KDELR3: variants seen among roughly 807,000 people sequenced by gnomAD.
KDELR3 encodes KDEL endoplasmic reticulum protein retention receptor 3, also known as ER lumen protein-retaining receptor 3.
A neutral mutation model predicts 22.7 loss-of-function variants in KDELR3; 26 were observed. The ratio of observed to expected loss-of-function variants is 1.15; its 90% CI spans 0.84 to 1.59. The LOEUF (loss-of-function observed/expected upper bound fraction) is 1.59, where lower values mean the gene tolerates loss of function less well. Ranked by LOEUF, KDELR3 falls within the 40% of genes most tolerant of loss-of-function variation. KDELR3 has a pLI of 0.00. For missense variants in KDELR3, 289 were observed against 251.1 expected (o/e 1.15, Z -1.02); for synonymous variants, 120 against 98.2 (o/e 1.22, Z -1.31).
At chr22:38,481,496 T>G in intron 4 of KDELR3, 32 bp downstream of exon 4, 7 of 1,613,844 alleles carry the variant, frequency 4.3e-6, no homozygotes, top group Non-Finnish European at 5.9e-6. Flanking sequence ...ATGCTGACAC[T>G]GGCCTAAGGA....
intron 2 of KDELR3, among the ~76,000 whole-genome samples, chr22:38,475,967 T>C (rs2089554916): frequency 6.6e-6 from 1 of 152,144 alleles, no homozygotes; most frequent in Non-Finnish European, 1.5e-5. Context: ...CATTATCTAA[T>C]AGGAATCTTA....
At chr22:38,482,445 C>G in intron 4 of KDELR3, 51 bp from the exon 5 acceptor site, 1 of 1,399,510 alleles carries the variant, frequency 7.1e-7, no homozygotes, top group Non-Finnish European at 1.0e-6. Flanking sequence ...AGTTATAAAG[C>G]AGTCCTTTCA....
chr22:38,479,761 T>C lies in KDELR3; in HGVS notation c.351+10T>C, dbSNP rs755660288. 5 of 1,613,812 alleles carry C rather than the reference T, an allele frequency of 3.1e-6. No individual in the cohort carries two copies. In the East Asian group the frequency reaches 8.9e-5, roughly 29 times the overall value. On this transcript the variant is annotated intron_variant, in intron 3 of 4. Coordinates refer to ENST00000216014, the MANE Select transcript of KDELR3 (RefSeq NM_006855.4). ...TTTCACTCTGCTGGAGGTAAGGGAA[T>C]GGACTGAGTACCAGTTCTCAAAGGG...
chr22:38,471,185 GT>G (rs1265612561), intron 1 of KDELR3, among the ~76,000 whole-genome samples: 2 of 152,064 alleles, frequency 1.3e-5, no homozygotes, highest in African/African-American at 4.8e-5. Context: ...GATCACAAGG[GT>G]TCCCAAAGTG....
rs142169266 is a variant in KDELR3 at position 38,481,365 on chromosome 22, C to A, written c.505C>A (p.Arg169=). ...ACTCTACCTGGCTAACTGGATCAGGCGGTACCAGACTGAGAATTTCTATGA... is the reference window on the plus strand; with the variant it reads ...ACTCTACCTGGCTAACTGGATCAGGAGGTACCAGACTGAGAATTTCTATGA... ...RALYLANWIR[R]YQTENFYDQI... is the part of the protein sequence containing the mutation. Residue 169 remains arginine, a synonymous_variant, in exon 4 of 5, where the codon CGG becomes AGG. Coordinates refer to ENST00000216014, the MANE Select transcript of KDELR3 (RefSeq NM_006855.4). 1 of 1,614,158 alleles carries A rather than the reference C, an allele frequency of 6.2e-7. No individual in the cohort carries two copies. The highest frequency in any genetic ancestry group is 8.5e-7 in the Non-Finnish European group (1 of 1,180,028).
chr22:38,479,575 G>A lies in KDELR3; in HGVS notation c.193-18G>A, dbSNP rs369081501. Reference sequence around the variant, plus strand: ...ATGACTTCATAGATTCGATTCCCATGTCTCTCTCCCCTTTTAGGTGGTTTT... The same window carrying A: ...ATGACTTCATAGATTCGATTCCCATATCTCTCTCCCCTTTTAGGTGGTTTT... On this transcript the variant is annotated intron_variant, in intron 2 of 4. Coordinates refer to ENST00000216014, the MANE Select transcript of KDELR3 (RefSeq NM_006855.4). The A allele has an allele frequency of 6.2e-7, 1 of 1,607,062 alleles. No individual in the cohort carries two copies. The highest frequency in any genetic ancestry group is 1.3e-5 in the African/African-American group (1 of 74,876).
intron 1 of KDELR3, among the ~76,000 whole-genome samples, chr22:38,471,800 G>T (rs895598806): frequency 8.6e-5 from 13 of 151,886 alleles, no homozygotes; most frequent in African/African-American, 2.7e-4. Context: ...CTTGTCTCTA[G>T]AAAAAATATA....
At chr22:38,481,975 G>A (rs575125306) in intron 4 of KDELR3, among the ~76,000 whole-genome samples, 96 of 152,300 alleles carry the variant, frequency 6.3e-4, no homozygotes, top group African/African-American at 2.1e-3. Flanking sequence ...TTACAAATTC[G>A]TGTTGGGCCA....
At position 38,479,750 on chromosome 22, in the gene KDELR3, A is replaced by G. The variant is rs773461810; in HGVS notation, c.350A>G (p.Glu117Gly). Residue 117 changes from glutamate (E) to glycine (G), a missense_variant and splice_region_variant, in exon 3 of 5, where the codon GAG becomes GGG. Transcript: ENST00000216014. ...FLENYSFTLL[E>G]ILWTFSIYLE... is the part of the protein sequence containing the mutation. ...GAAAACTACAGTTTCACTCTGCTGGAGGTAAGGGAATGGACTGAGTACCAG... is the reference window on the plus strand; with the variant it reads ...GAAAACTACAGTTTCACTCTGCTGGGGGTAAGGGAATGGACTGAGTACCAG... The G allele has an allele frequency of 1.2e-6, 2 of 1,614,074 alleles. No individual in the cohort carries two copies. Among genetic ancestry groups the G allele is most frequent in the South Asian group, 2.2e-5 (2 of 91,072 alleles).
chr22:38,472,551 G>A (rs1236581814), intron 1 of KDELR3, among the ~76,000 whole-genome samples: 3 of 152,062 alleles, frequency 2.0e-5, no homozygotes, highest in East Asian at 1.9e-4. Context: ...CATGGATTCC[G>A]GGATGGAATC....
intron 1 of KDELR3, among the ~76,000 whole-genome samples, chr22:38,473,170 A>C (rs952311315): frequency 3.3e-5 from 5 of 152,162 alleles, no homozygotes; most frequent in African/African-American, 1.2e-4. Context: ...CACGCCTATA[A>C]TCCCAACACT....
chr22:38,471,896 T>C (rs2089527467), intron 1 of KDELR3, among the ~76,000 whole-genome samples: 1 of 151,914 alleles, frequency 6.6e-6, no homozygotes, highest in Non-Finnish European at 1.5e-5. Context: ...CCTGGGAGGT[T>C]GAGGCTGCAG....
intron 3 of KDELR3, among the ~76,000 whole-genome samples, chr22:38,480,324 A>C (rs1198356913): frequency 2.0e-5 from 3 of 151,852 alleles, no homozygotes; most frequent in Non-Finnish European, 4.4e-5. Context: ...TTGTATTTTT[A>C]GTTGAGACGG....
intron 1 of KDELR3, among the ~76,000 whole-genome samples, chr22:38,473,123 G>A (rs1311955657): frequency 6.6e-6 from 1 of 152,148 alleles, no homozygotes; most frequent in Non-Finnish European, 1.5e-5. Context: ...AGACCAAAGT[G>A]GGTCAAGAAA....
intron 4 of KDELR3, 137 bp from the exon 5 acceptor site, chr22:38,482,359 G>A (rs2145675175): frequency 1.4e-6 from 1 of 704,750 alleles, no homozygotes; most frequent in Non-Finnish European, 2.5e-6. Flanking sequence ...ACCGGAGATG[G>A]ACTCCCCCTT....
intron 2 of KDELR3, among the ~76,000 whole-genome samples, chr22:38,477,997 G>A (rs1052268417): frequency 3.3e-5 from 5 of 152,180 alleles, no homozygotes; most frequent in African/African-American, 1.2e-4. Context: ...CTGGGGATTA[G>A]GAGGTGGACC....
At chr22:38,469,032 G>C (rs2089507002) in intron 1 of KDELR3, among the ~76,000 whole-genome samples, 1 of 152,270 alleles carries the variant, frequency 6.6e-6, no homozygotes, top group Non-Finnish European at 1.5e-5. Flanking sequence ...CCCTCCCTGT[G>C]CCTGGCACTG....
rs759487185 is a variant in KDELR3 at position 38,482,805 on chromosome 22, G to A, written c.*269G>A. ...ACAAGAAACCTTAAGGTGTCTTACCGACGAAATAAAAAACATAAATGATTG... is the reference window on the plus strand; with the variant it reads ...ACAAGAAACCTTAAGGTGTCTTACCAACGAAATAAAAAACATAAATGATTG... On this transcript the variant is annotated 3_prime_UTR_variant, in exon 5 of 5. Transcript: ENST00000216014. 11 of 462,526 alleles carry A rather than the reference G, an allele frequency of 2.4e-5. No individual in the cohort carries two copies. Among genetic ancestry groups the A allele is most frequent in the East Asian group, 1.0e-4 (3 of 29,014 alleles). The allele number at this position is 462,526 out of a possible 1,614,324, so 28.7% of individuals were successfully genotyped here. A position where few individuals can be genotyped will look rare whatever the true frequency, so the allele number is the denominator to read the frequency against.
At chr22:38,478,364 G>C (rs2145968362) in intron 2 of KDELR3, among the ~76,000 whole-genome samples, 1 of 151,730 alleles carries the variant, frequency 6.6e-6, no homozygotes, top group South Asian at 2.1e-4. Flanking sequence ...TGACCAACAT[G>C]GTGAAACTAA....
Sources: allele counts gnomAD v4.1 joint callset (sites outside exome capture counted in the v4.1 genomes callset), GRCh38; gene constraint gnomAD v4.1.1; transcripts MANE v1.5; gene names NCBI Gene and HGNC (gene_info 2026-07-23, HGNC 2026-07-21).